The following EYS variants were observed in gnomAD, a reference collection of about 807,000 sequenced individuals.
EYS encodes protein eyes shut homolog.
A neutral mutation model predicts 282.1 loss-of-function variants in EYS; 250 were observed. The ratio of observed to expected loss-of-function variants is 0.89; its 90% CI spans 0.80 to 0.98. The LOEUF (loss-of-function observed/expected upper bound fraction) is 0.98. EYS is among the 50% of genes least tolerant of loss of function. EYS has a pLI of 0.00. For missense variants in EYS, 4,016 were observed against 3,709.0 expected, an observed-to-expected ratio of 1.08 and a Z score of -2.15; for synonymous variants, 1,355 against 1,282.9, an observed-to-expected ratio of 1.06 and a Z score of -1.20.
chr6:65,545,797 AT>A (rs1768362538), intron 2 of EYS, among the ~76,000 whole-genome samples: 2 of 152,140 alleles, frequency 1.3e-5, no homozygotes, highest in Admixed American at 1.3e-4. Flanking sequence ...ACAAAGACCA[AT>A]TATTTCATGA....
chr6:65,466,883 G>C (rs913444236), intron 5 of EYS, among the ~76,000 whole-genome samples: 4 of 152,160 alleles, frequency 2.6e-5, no homozygotes, highest in African/African-American at 9.7e-5. Flanking sequence ...GAAAGTTTCT[G>C]GGTCAGAGAG....
intron 5 of EYS, among the ~76,000 whole-genome samples, chr6:65,434,338 T>G (rs1290246226): frequency 6.6e-6 from 1 of 151,622 alleles, no homozygotes; most frequent in Non-Finnish European, 1.5e-5. Flanking sequence ...TTTTTTTTTT[T>G]GAGACGGAGT....
At chr6:65,506,723 C>T (rs1332650092) in intron 2 of EYS, among the ~76,000 whole-genome samples, 1 of 151,782 alleles carries the variant, frequency 6.6e-6, no homozygotes, top group Non-Finnish European at 1.5e-5. Flanking sequence ...TCTCTTACCT[C>T]AGCTTCACAA....
intron 33 of EYS, among the ~76,000 whole-genome samples, chr6:64,037,945 G>C (rs1022359520): frequency 6.6e-6 from 1 of 152,114 alleles, no homozygotes; most frequent in Non-Finnish European, 1.5e-5. Context: ...TGTAATTTAG[G>C]CACTGGGTAA....
intron 36 of EYS, among the ~76,000 whole-genome samples, chr6:63,860,205 G>T (rs1470446790): frequency 6.6e-6 from 1 of 152,264 alleles, no homozygotes; most frequent in Admixed American, 6.5e-5. Context: ...AGTTGGTGGG[G>T]TATAGAAAGT....
intron 31 of EYS, among the ~76,000 whole-genome samples, chr6:64,191,113 T>C (rs1312161720): frequency 6.6e-6 from 1 of 152,134 alleles, no homozygotes; most frequent in African/African-American, 2.4e-5. Flanking sequence ...TAATCCTTTA[T>C]CTTTGGTATA....
chr6:64,862,983 G>C (rs1256605743), intron 19 of EYS, among the ~76,000 whole-genome samples: 8 of 152,100 alleles, frequency 5.3e-5, no homozygotes, highest in Middle Eastern at 3.4e-3. Flanking sequence ...TGGATATGTT[G>C]TTTTCAGCAA....
chr6:64,618,705 G>C (rs1011235365), intron 23 of EYS, among the ~76,000 whole-genome samples: 1 of 152,118 alleles, frequency 6.6e-6, no homozygotes, highest in Non-Finnish European at 1.5e-5. Flanking sequence ...ATCAAACTTA[G>C]AAATAGCGGC....
intron 12 of EYS, among the ~76,000 whole-genome samples, chr6:65,124,974 ATGT>A (rs140689692): frequency 2.9e-4 from 44 of 152,318 alleles, no homozygotes; most frequent in African/African-American, 1.0e-3. Flanking sequence ...CTAAGATAAG[ATGT>A]TGTCAATCTG....
At chr6:64,945,072 G>A (rs1198802142) in intron 15 of EYS, among the ~76,000 whole-genome samples, 1 of 150,254 alleles carries the variant, frequency 6.7e-6, no homozygotes, top group Non-Finnish European at 1.5e-5. Flanking sequence ...GGCCGGTGCA[G>A]GTCCTTGGTA....
At chr6:64,445,240 A>T (rs1417794136) in intron 26 of EYS, among the ~76,000 whole-genome samples, 50 of 152,160 alleles carry the variant, frequency 3.3e-4, no homozygotes, top group Non-Finnish European at 1.8e-4. Flanking sequence ...CCTCAGCAAA[A>T]ATTTTAAACA....
intron 26 of EYS, among the ~76,000 whole-genome samples, chr6:64,530,798 T>G (rs1162189328): frequency 6.6e-6 from 1 of 152,054 alleles, no homozygotes; most frequent in Admixed American, 6.6e-5. Context: ...TTTGGTAACT[T>G]TTTTTTAAAT....
chr6:64,667,180 A>G (rs1769262019), intron 22 of EYS, among the ~76,000 whole-genome samples: 1 of 148,752 alleles, frequency 6.7e-6, no homozygotes, highest in Non-Finnish European at 1.5e-5. Flanking sequence ...ATATTTAATA[A>G]TATTTATAAT....
intron 26 of EYS, among the ~76,000 whole-genome samples, chr6:64,457,470 G>A (rs1775592360): frequency 6.6e-6 from 1 of 151,836 alleles, no homozygotes; most frequent in Admixed American, 6.6e-5. Flanking sequence ...CACTGAAATT[G>A]CCTACTATTA....
intron 28 of EYS, among the ~76,000 whole-genome samples, chr6:64,403,554 T>C (rs1352612958): frequency 2.6e-5 from 4 of 152,116 alleles, no homozygotes; most frequent in Admixed American, 2.6e-4. Context: ...AGATGGGGTT[T>C]CACCATATTG....
intron 26 of EYS, among the ~76,000 whole-genome samples, chr6:64,578,795 T>C (rs17217924): frequency 0.098 from 14,971 of 152,130 alleles, 915 homozygotes; most frequent in East Asian, 0.17. Flanking sequence ...GAAACATGGT[T>C]ATTATGGAAG....
intron 14 of EYS, among the ~76,000 whole-genome samples, chr6:64,958,177 TATA>T (rs1192772419): frequency 1.3e-5 from 2 of 152,156 alleles, no homozygotes; most frequent in East Asian, 3.9e-4. Context: ...ACCTAGTATA[TATA>T]ATAACATACG....
At chr6:65,577,202 T>C (rs1358290451) in intron 2 of EYS, among the ~76,000 whole-genome samples, 5 of 151,850 alleles carry the variant, frequency 3.3e-5, no homozygotes, top group Admixed American at 6.6e-5. Context: ...CAAAACAGCA[T>C]GGTACTGGCA....
chr6:65,485,848 A>C (rs1765764745), intron 5 of EYS, among the ~76,000 whole-genome samples: 1 of 152,196 alleles, frequency 6.6e-6, no homozygotes, highest in Admixed American at 6.6e-5. Context: ...CAGAAACTTC[A>C]AACTGATAAT....
Sources: gnomAD v4.1 joint callset for allele counts (sites outside exome capture counted in the v4.1 genomes callset) on GRCh38, gnomAD v4.1.1 for gene constraint, MANE v1.5 for transcripts, NCBI Gene and HGNC (gene_info 2026-07-23, HGNC 2026-07-21) for gene names.